Variants in SMARCA2 observed in about 807,000 individuals in gnomAD.
SMARCA2 encodes the protein SWI/SNF related BAF chromatin remodeling complex subunit ATPase 2.
A neutral mutation model predicts 199.8 loss-of-function variants in SMARCA2; 61 were observed. That is an observed-to-expected ratio of 0.31 (90% CI 0.25 to 0.38). The LOEUF (loss-of-function observed/expected upper bound fraction) is 0.38, where lower values mean the gene tolerates loss of function less well. Ranked by LOEUF, SMARCA2 falls within the 10% of genes least tolerant of loss-of-function variation. The pLI is 1.00. For missense variants in SMARCA2, 1,344 were observed against 2,012.2 expected (o/e 0.67, Z 6.35); for synonymous variants, 935 against 732.0 (o/e 1.28, Z -4.48).
chr9:2,111,971 C>A (rs1823025773), intron 24 of SMARCA2, among the ~76,000 whole-genome samples: 2 of 152,260 alleles, frequency 1.3e-5, no homozygotes, highest in South Asian at 4.2e-4. Context: ...TGGGAGCCAC[C>A]AGCACAGAAT....
At chr9:2,174,095 G>A (rs3793516) in intron 29 of SMARCA2, among the ~76,000 whole-genome samples, 2 of 151,848 alleles carry the variant, frequency 1.3e-5, no homozygotes, top group African/African-American at 2.4e-5. Context: ...AACTTAGTCC[G>A]TCTGTTTCCC....
At position 2,080,694 on chromosome 9, in the gene SMARCA2, T is replaced by C. The variant is rs549613545; in HGVS notation, c.2185-1138T>C. On this transcript the variant is annotated intron_variant, in intron 14 of 33. Transcript: ENST00000349721. Reference sequence around the variant, plus strand: ...TCTGCAGAAACCTTTAGGATGACTTTGGAATCTTGCATGGTACAAAGTATC... The same window carrying C: ...TCTGCAGAAACCTTTAGGATGACTTCGGAATCTTGCATGGTACAAAGTATC... Among the ~76,000 whole-genome samples, 3 of 152,348 alleles carry C rather than the reference T, an allele frequency of 2.0e-5. No individual in the cohort carries two copies. The East Asian group carries it at 5.8e-4, about 29-fold the overall frequency.
At chr9:2,126,564 T>A (rs537616377) in intron 27 of SMARCA2, among the ~76,000 whole-genome samples, 1 of 152,266 alleles carries the variant, frequency 6.6e-6, no homozygotes, top group African/African-American at 2.4e-5. Context: ...TACTGGCTTA[T>A]GATTTAACAC....
At chr9:2,020,992 A>G (rs1818577396) in intron 1 of SMARCA2, among the ~76,000 whole-genome samples, 2 of 152,216 alleles carry the variant, frequency 1.3e-5, no homozygotes, top group Non-Finnish European at 1.5e-5. Flanking sequence ...ATATTTTATT[A>G]GATAGCTACG....
chr9:2,030,313 G>T (rs996734000), intron 2 of SMARCA2, among the ~76,000 whole-genome samples: 5 of 152,132 alleles, frequency 3.3e-5, no homozygotes, highest in African/African-American at 4.8e-5. Flanking sequence ...TATAGTTCCG[G>T]TCTGAGTCTA....
chr9:2,084,101 C>T lies in SMARCA2; in HGVS notation c.2431C>T (p.Arg811Cys). 6.2e-7 allele frequency: 1 copy of T among 1,607,012 alleles called. No individual in the cohort carries two copies. The highest frequency in any genetic ancestry group is 2.2e-5 in the East Asian group (1 of 44,862). The change falls in exon 17 of 34, where the codon CGT (arginine) becomes TGT (cysteine). Residue 811 changes from arginine to cysteine, a missense_variant. Arg to Cys is a radical substitution (Grantham distance 180). Around this residue, in one of 18 missense-constraint regions of SMARCA2, gnomAD observed 50 missense variants for 81.6 expected, o/e 0.61. Coordinates refer to ENST00000349721, the MANE Select transcript of SMARCA2 (RefSeq NM_003070.5). ...KISYKGTPAM[R>C]RSLVPQLRSG... ...TTCCATTCAGGGTACTCCTGCCATG[C>T]GTCGCTCCCTTGTCCCCCAGCTACG...
intron 33 of SMARCA2, 62 bp downstream of exon 33, chr9:2,191,470 G>C (rs769861904): frequency 3.3e-5 from 51 of 1,565,922 alleles, no homozygotes; most frequent in Non-Finnish European, 4.4e-5. Flanking sequence ...CTGGCCTCTT[G>C]CATTTCCATG....
chr9:2,096,761 G>C lies in SMARCA2; in HGVS notation c.2988G>C (p.Lys996Asn). The change falls in exon 20 of 34, where the codon AAG becomes AAC. Residue 996 changes from lysine (K) to asparagine (N), a missense_variant. Physicochemically the swap from Lys to Asn is moderately conservative, Grantham distance 94. Around this residue, in one of 18 missense-constraint regions of SMARCA2, gnomAD observed 98 missense variants for 245.6 expected, o/e 0.40. Transcript: ENST00000349721. Reference protein sequence around the residue: ...ILLTDGSEKDKKGKGGAKTLM... With the variant: ...ILLTDGSEKDNKGKGGAKTLM... ...TCACAGATGGTTCTGAGAAAGATAA[G>C]AAGGTACGTTGCGAAAGATGATGCA... The C allele has an allele frequency of 6.3e-7, 1 of 1,599,050 alleles. No individual in the cohort carries two copies. The highest frequency in any genetic ancestry group is 8.6e-7 in the Non-Finnish European group (1 of 1,166,202).
intron 21 of SMARCA2, among the ~76,000 whole-genome samples, chr9:2,100,107 G>A (rs1431101858): frequency 6.6e-6 from 1 of 152,196 alleles, no homozygotes; most frequent in Non-Finnish European, 1.5e-5. Context: ...CAGGGAGGAG[G>A]GAAAGCAGAA....
intron 1 of SMARCA2, chr9:2,027,749 C>T (rs1818896114): frequency 1.3e-5 from 2 of 152,216 alleles, no homozygotes; most frequent in South Asian, 4.1e-4. Flanking sequence ...ACCACGGTCT[C>T]ATTCCATCTC....
intron 12 of SMARCA2, chr9:2,075,383 G>A (rs1411652284): frequency 6.6e-6 from 1 of 152,216 alleles, no homozygotes; most frequent in African/African-American, 2.4e-5. Flanking sequence ...GAAAGATTTA[G>A]CCTTCTACAC....
chr9:2,161,680 G>T lies in SMARCA2; in HGVS notation c.3982-6G>T. On this transcript the variant is annotated splice_region_variant and splice_polypyrimidine_tract_variant and intron_variant, in intron 27 of 33. Coordinates refer to ENST00000349721, the MANE Select transcript of SMARCA2 (RefSeq NM_003070.5). This position sits in a 1 kb window ranked among gnomAD's most constrained non-coding sequence, Gnocchi z 4.7. ...TGAATTTGTCTCCTTTGTTTCCAAC[G>T]AACAGGCCATCGAAGACGGCAATTT... 1 of 1,605,728 alleles carries T rather than the reference G, an allele frequency of 6.2e-7. No individual in the cohort carries two copies. Among genetic ancestry groups the T allele is most frequent in the Non-Finnish European group, 8.5e-7 (1 of 1,173,256 alleles).
chr9:2,028,720 T>C (rs1818935796), intron 1 of SMARCA2, among the ~76,000 whole-genome samples: 1 of 152,216 alleles, frequency 6.6e-6, no homozygotes, highest in Non-Finnish European at 1.5e-5. Context: ...TAAATTTGAG[T>C]TTCTCCAGTG....
chr9:2,087,004 C>T lies in SMARCA2; in HGVS notation c.2702C>T (p.Thr901Ile). The T allele has an allele frequency of 6.2e-7, 1 of 1,614,170 alleles. No homozygotes were observed. The highest frequency in any genetic ancestry group is 8.5e-7 in the Non-Finnish European group (1 of 1,180,004). ...LWALLNFLLP[T>I]IFKSCSTFEQ... Reference sequence around the variant, plus strand: ...GCCCTCCTCAACTTCCTCCTCCCAACAATTTTTAAGAGCTGCAGCACATTT... The same window carrying T: ...GCCCTCCTCAACTTCCTCCTCCCAATAATTTTTAAGAGCTGCAGCACATTT... Residue 901 changes from threonine (T) to isoleucine (I), a missense_variant, in exon 18 of 34, where the codon ACA becomes ATA. By Grantham distance (89) the Thr-to-Ile change is moderately conservative. Around this residue, in one of 18 missense-constraint regions of SMARCA2, gnomAD observed 19 missense variants for 119.6 expected, o/e 0.16. Transcript: ENST00000349721.
At position 2,056,048 on chromosome 9, in the gene SMARCA2, C is replaced by A. The variant is rs1424196367; in HGVS notation, c.1174-624C>A. ...CTCCAGTCCCTACCCCCTACCACCA[C>A]ATAACATGCAATACAGATAAAAGTA... is the stretch of plus-strand genomic sequence containing the variant. On this transcript the variant is annotated intron_variant, in intron 6 of 33. Transcript: ENST00000349721. The surrounding 1 kb of genome is among the most constrained non-coding windows in gnomAD (Gnocchi z 4.0). Among the ~76,000 whole-genome samples, 1 of 152,120 alleles carries A rather than the reference C, an allele frequency of 6.6e-6. No individual in the cohort carries two copies. Among genetic ancestry groups the A allele is most frequent in the Non-Finnish European group, 1.5e-5 (1 of 68,026 alleles).
chr9:2,091,145 T>C (rs940308990), intron 19 of SMARCA2, among the ~76,000 whole-genome samples: 3 of 152,228 alleles, frequency 2.0e-5, no homozygotes, highest in African/African-American at 7.2e-5. Context: ...TATAGTTTTA[T>C]GAGTTTTGAC....
chr9:2,191,525 G>A, intron 33 of SMARCA2, 117 bp downstream of exon 33: 1 of 1,106,248 alleles, frequency 9.0e-7, no homozygotes, highest in Non-Finnish European at 1.3e-6. Flanking sequence ...GGAAATGTCA[G>A]GATTTAGTGA....
chr9:2,113,192 G>A (rs1272218293), intron 24 of SMARCA2, among the ~76,000 whole-genome samples: 1 of 152,158 alleles, frequency 6.6e-6, no homozygotes, highest in Non-Finnish European at 1.5e-5. Flanking sequence ...TTGACAGATA[G>A]AGGCCTTAAT....
intron 23 of SMARCA2, among the ~76,000 whole-genome samples, chr9:2,106,823 C>T (rs1822774594): frequency 6.6e-6 from 1 of 152,072 alleles, no homozygotes; most frequent in South Asian, 2.1e-4. Context: ...AGGTTTTATC[C>T]CAGAAGACAA....
Sources: gnomAD v4.1 joint callset for allele counts (sites outside exome capture counted in the v4.1 genomes callset) on GRCh38, gnomAD v4.1.1 for gene constraint, gnomAD v4.1.1 regional missense constraint, Gnocchi (gnomAD v3.1) non-coding constraint, MANE v1.5 for transcripts, NCBI Gene and HGNC (gene_info 2026-07-23, HGNC 2026-07-21) for gene names.